PCSK2: variants seen among roughly 807,000 people sequenced by gnomAD.
The protein encoded by PCSK2 is proprotein convertase subtilisin/kexin type 2.
In PCSK2, 14 loss-of-function variants were observed where a neutral mutation model predicts 69.7. The ratio of observed to expected loss-of-function variants is 0.20; its 90% CI spans 0.13 to 0.31. The LOEUF (loss-of-function observed/expected upper bound fraction) is 0.31, where lower values mean the gene tolerates loss of function less well. Ranked by LOEUF, PCSK2 falls within the 10% of genes least tolerant of loss-of-function variation. The pLI is 1.00. For missense variants in PCSK2, 544 were observed against 842.5 expected (o/e 0.65, Z 4.39); for synonymous variants, 307 against 320.7 (o/e 0.96, Z 0.46).
chr20:17,433,143 T>G (rs1219764546), intron 7 of PCSK2, among the ~76,000 whole-genome samples: 1 of 152,134 alleles, frequency 6.6e-6, no homozygotes, highest in African/African-American at 2.4e-5. Flanking sequence ...TGAGATCACC[T>G]TTGATTGAAG....
intron 5 of PCSK2, among the ~76,000 whole-genome samples, chr20:17,405,385 G>C (rs1395963173): frequency 3.3e-5 from 5 of 152,186 alleles, no homozygotes; most frequent in Non-Finnish European, 7.3e-5. Flanking sequence ...GCCAGGGCCA[G>C]GTGCAATCTC....
intron 8 of PCSK2, among the ~76,000 whole-genome samples, chr20:17,449,238 A>G (rs1279617529): frequency 2.0e-5 from 3 of 152,258 alleles, no homozygotes; most frequent in East Asian, 1.9e-4. Flanking sequence ...CTGCAGGATT[A>G]GGGTGGAGAC....
chr20:17,236,080 T>C (rs1986326972), intron 1 of PCSK2, among the ~76,000 whole-genome samples: 1 of 152,130 alleles, frequency 6.6e-6, no homozygotes, highest in Non-Finnish European at 1.5e-5. Context: ...CATTACCAGC[T>C]TTAGATAAAC....
chr20:17,481,080 G>A (rs12625305), intron 11 of PCSK2, among the ~76,000 whole-genome samples: 19,232 of 152,082 alleles, frequency 0.13, 1,173 homozygotes, highest in East Asian at 0.15. Flanking sequence ...AAGGTTCCAA[G>A]CGTAAGTAAC....
At chr20:17,364,569 G>A (rs927218856) in intron 4 of PCSK2, among the ~76,000 whole-genome samples, 2 of 152,150 alleles carry the variant, frequency 1.3e-5, no homozygotes, top group Non-Finnish European at 2.9e-5. Context: ...ATCAGATCTT[G>A]CGAGACTTAT....
At chr20:17,327,018 T>C (rs1990076202) in intron 2 of PCSK2, among the ~76,000 whole-genome samples, 1 of 152,236 alleles carries the variant, frequency 6.6e-6, no homozygotes, top group Non-Finnish European at 1.5e-5. Flanking sequence ...CTCCCCCTTC[T>C]TCTGTCTCCT....
chr20:17,433,812 T>TCTCTCTCTCTCTCTCTCCC lies in PCSK2; in HGVS notation c.710-2895_710-2894insTCTCTCTCTCTCTCTCCCC, dbSNP rs774361715. 1.2e-4 allele frequency among the ~76,000 whole-genome samples: 12 copies of TCTCTCTCTCTCTCTCTCCC among 104,170 alleles called. 2 individuals carry two copies. The East Asian group carries it at 1.5e-3, about 13-fold the overall frequency. 68.3% of individuals were successfully genotyped at this position (104,170 alleles called of 152,430 possible). A position where few individuals can be genotyped will look rare whatever the true frequency, so the allele number is the denominator to read the frequency against. On this transcript the variant is annotated intron_variant, in intron 7 of 11. Transcript: ENST00000262545. ...CTCTCTCTCTCTCTCTCTCTCTCTC[T>TCTCTCTCTCTCTCTCTCCC]CCCCCCACTTCCTTCCCTCCTCCTC...
At chr20:17,347,592 T>C (rs1023185755) in intron 2 of PCSK2, among the ~76,000 whole-genome samples, 2 of 151,992 alleles carry the variant, frequency 1.3e-5, no homozygotes, top group Non-Finnish European at 2.9e-5. Context: ...TGAACCCTCA[T>C]GTAAACCATG....
At chr20:17,478,845 C>A (rs1167785137) in intron 11 of PCSK2, among the ~76,000 whole-genome samples, 1 of 152,114 alleles carries the variant, frequency 6.6e-6, no homozygotes, top group Non-Finnish European at 1.5e-5. Context: ...TCATGTCATG[C>A]CATATTTCTG....
intron 1 of PCSK2, among the ~76,000 whole-genome samples, chr20:17,256,042 T>C (rs1987164765): frequency 6.6e-6 from 1 of 152,214 alleles, no homozygotes; most frequent in Non-Finnish European, 1.5e-5. Context: ...TGGAATTATT[T>C]ATTTAAACAT....
intron 2 of PCSK2, among the ~76,000 whole-genome samples, chr20:17,268,762 G>T (rs942554776): frequency 6.6e-5 from 10 of 152,188 alleles, no homozygotes; most frequent in African/African-American, 2.4e-4. Flanking sequence ...ATGGGGTAGA[G>T]GTATGGATGA....
chr20:17,476,718 G>T (rs1231946961), intron 11 of PCSK2, among the ~76,000 whole-genome samples: 2 of 152,202 alleles, frequency 1.3e-5, no homozygotes, highest in Non-Finnish European at 2.9e-5. Flanking sequence ...GAGACTCTTT[G>T]TGCTACCCTA....
chr20:17,444,250 TA>T (rs1216790087), intron 8 of PCSK2, among the ~76,000 whole-genome samples: 1 of 152,222 alleles, frequency 6.6e-6, no homozygotes, highest in African/African-American at 2.4e-5. Context: ...ACCAACATGG[TA>T]ATGATTAAAA....
intron 4 of PCSK2, among the ~76,000 whole-genome samples, chr20:17,364,255 C>T (rs1176170218): frequency 1.3e-5 from 2 of 152,098 alleles, no homozygotes; most frequent in Non-Finnish European, 2.9e-5. Context: ...CATAGTCACC[C>T]ACACCCTTCT....
chr20:17,429,373 A>T (rs147717936), intron 6 of PCSK2, 62 bp from the exon 7 acceptor site: 3 of 1,211,162 alleles, frequency 2.5e-6, no homozygotes, highest in Non-Finnish European at 3.7e-6. Context: ...TTTTGAGCCC[A>T]TGAGAGATCT....
chr20:17,417,668 T>C (rs536509089), intron 6 of PCSK2, among the ~76,000 whole-genome samples: 1 of 152,340 alleles, frequency 6.6e-6, no homozygotes, highest in Non-Finnish European at 1.5e-5. Flanking sequence ...AGATGATTCC[T>C]GCTTGAGTGA....
intron 2 of PCSK2, among the ~76,000 whole-genome samples, chr20:17,279,167 C>T (rs1404707992): frequency 6.6e-6 from 1 of 152,150 alleles, no homozygotes; most frequent in African/African-American, 2.4e-5. Context: ...TTTCCGCATT[C>T]CGATGCAGAA....
intron 2 of PCSK2, among the ~76,000 whole-genome samples, chr20:17,308,428 C>T (rs957326291): frequency 6.6e-6 from 1 of 152,124 alleles, no homozygotes; most frequent in Admixed American, 6.5e-5. Context: ...TTGAATCCCC[C>T]CAAAAAAGAA....
chr20:17,462,398 G>A (rs893035820), intron 10 of PCSK2, among the ~76,000 whole-genome samples: 2 of 152,090 alleles, frequency 1.3e-5, no homozygotes, highest in Non-Finnish European at 2.9e-5. Context: ...CAAATTCTCA[G>A]GCCCACAATC....
Sources: allele counts gnomAD v4.1 joint callset (sites outside exome capture counted in the v4.1 genomes callset), GRCh38; gene constraint gnomAD v4.1.1; transcripts MANE v1.5; gene names NCBI Gene and HGNC (gene_info 2026-07-23, HGNC 2026-07-21).